Variants in KIAA0825 observed in about 807,000 individuals in gnomAD.
KIAA0825 encodes uncharacterized protein KIAA0825.
KIAA0825 carries 119 observed loss-of-function variants against 147.6 expected under a neutral mutation model. The ratio of observed to expected loss-of-function variants is 0.81; its 90% confidence interval spans 0.69 to 0.94. The LOEUF (loss-of-function observed/expected upper bound fraction) is 0.94, where lower values mean the gene tolerates loss of function less well. KIAA0825 is among the 40% of genes least tolerant of loss of function. KIAA0825 has a pLI of 0.00. For synonymous variants in KIAA0825, 470 were observed against 518.1 expected (o/e 0.91, Z 1.26); for missense variants, 1,381 against 1,472.7 (o/e 0.94, Z 1.02).
chr5:94,311,673 G>T (rs763614233), intron 20 of KIAA0825, among the ~76,000 whole-genome samples: 45 of 151,396 alleles, frequency 3.0e-4, no homozygotes, highest in Non-Finnish European at 6.1e-4. Flanking sequence ...ATTTCTATTT[G>T]TCTCTAATCT....
Position 94,471,651 on chromosome 5 carries a change from A to C in KIAA0825, c.1536T>G (p.Ile512Met). ...AACAGGCCTCCACCAAGTTTGCTCTAATTTCCTGAAAAGAATCATCTCTGC... is the reference window on the plus strand; with the variant it reads ...AACAGGCCTCCACCAAGTTTGCTCTCATTTCCTGAAAAGAATCATCTCTGC... Reference protein sequence around the residue: ...LACRDDSFQEIRANLVEACCK... With the variant: ...LACRDDSFQEMRANLVEACCK... Residue 512 changes from isoleucine (I) to methionine (M), a missense_variant, in exon 9 of 21, where the codon ATT becomes ATG. Ile to Met is a conservative substitution (Grantham distance 10, BLOSUM62 1). Transcript: ENST00000682413. 1 of 1,552,146 alleles carries C rather than the reference A, an allele frequency of 6.4e-7. No homozygotes were observed. Among genetic ancestry groups the C allele is most frequent in the South Asian group, 1.2e-5 (1 of 84,066 alleles).
intron 20 of KIAA0825, among the ~76,000 whole-genome samples, chr5:94,194,088 AGACAAAGGT>A (rs904494131): frequency 8.5e-5 from 13 of 152,148 alleles, no homozygotes; most frequent in African/African-American, 2.4e-4. Context: ...TTCCCTCCCT[AGACAAAGGT>A]TCTCCTTCCA....
rs1776986591 is a variant in KIAA0825 at position 94,271,531 on chromosome 5, T to G, written c.3710+112837A>C. On this transcript the variant is annotated intron_variant, in intron 20 of 20. Coordinates refer to ENST00000682413, the MANE Select transcript of KIAA0825 (RefSeq NM_001145678.3). ...GAGAGGCCAAGGTGGGTGGATCACCTGAGGTCAAGAGTTCGAGACCTGCCT... is the reference window on the plus strand; with the variant it reads ...GAGAGGCCAAGGTGGGTGGATCACCGGAGGTCAAGAGTTCGAGACCTGCCT... Among the ~76,000 whole-genome samples the G allele has an allele frequency of 2.6e-5, 4 of 152,300 alleles. No homozygotes were observed. The South Asian group carries it at 8.3e-4, about 32-fold the overall frequency.
intron 20 of KIAA0825, among the ~76,000 whole-genome samples, chr5:94,326,470 G>T (rs969043034): frequency 4.6e-5 from 7 of 152,088 alleles, no homozygotes; most frequent in African/African-American, 1.7e-4. Context: ...AAACTATATC[G>T]TTTCTGTGGT....
intron 20 of KIAA0825, among the ~76,000 whole-genome samples, chr5:94,208,150 G>A (rs1772376545): frequency 6.6e-6 from 1 of 151,998 alleles, no homozygotes. Context: ...TTCTTTCAGG[G>A]AAAATATCAT....
At position 94,305,824 on chromosome 5, in the gene KIAA0825, A is replaced by C. The variant is rs192444164; in HGVS notation, c.3710+78544T>G. Among the ~76,000 whole-genome samples the C allele has an allele frequency of 2.0e-5, 3 of 152,080 alleles. No individual in the cohort carries two copies. In the East Asian group the frequency reaches 5.8e-4, roughly 30 times the overall value. On this transcript the variant is annotated intron_variant, in intron 20 of 20. Coordinates refer to ENST00000682413, the MANE Select transcript of KIAA0825 (RefSeq NM_001145678.3). The stretch of plus-strand genomic sequence containing the variant: ...TAAAAGGTGATTATGCAAGTTCCAA[A>C]TAGAAGGATCTGAAGATATCAGGAG...
At chr5:94,268,838 C>A (rs1473067340) in intron 20 of KIAA0825, among the ~76,000 whole-genome samples, 1 of 152,096 alleles carries the variant, frequency 6.6e-6, no homozygotes, top group Non-Finnish European at 1.5e-5. Context: ...TTCAACCTGG[C>A]ATTCTGGTTG....
At chr5:94,211,927 C>T (rs973493638) in intron 20 of KIAA0825, among the ~76,000 whole-genome samples, 1 of 152,074 alleles carries the variant, frequency 6.6e-6, no homozygotes, top group African/African-American at 2.4e-5. Flanking sequence ...AAATTATGTG[C>T]CCATACCTGA....
chr5:94,605,981 G>A (rs1027337162), intron 1 of KIAA0825, among the ~76,000 whole-genome samples: 10 of 152,190 alleles, frequency 6.6e-5, no homozygotes, highest in Non-Finnish European at 1.2e-4. Flanking sequence ...CTATCTGTTT[G>A]CGGATGACAT....
At chr5:94,238,157 A>G (rs1308078241) in intron 20 of KIAA0825, among the ~76,000 whole-genome samples, 1 of 152,184 alleles carries the variant, frequency 6.6e-6, no homozygotes, top group Non-Finnish European at 1.5e-5. Context: ...TGCATCAAAA[A>G]ATTATATGGA....
intron 16 of KIAA0825, among the ~76,000 whole-genome samples, chr5:94,396,990 TATCTC>T (rs1171754460): frequency 1.3e-5 from 2 of 151,826 alleles, no homozygotes; most frequent in Non-Finnish European, 2.9e-5. Context: ...CTCACCATCT[TATCTC>T]ATCTCATCAT....
At chr5:94,194,428 A>C (rs1358150797) in intron 20 of KIAA0825, among the ~76,000 whole-genome samples, 1 of 152,098 alleles carries the variant, frequency 6.6e-6, no homozygotes, top group African/African-American at 2.4e-5. Context: ...CCATGAGGCC[A>C]GTGACCCCCA....
chr5:94,314,052 C>A (rs1779418124), intron 20 of KIAA0825, among the ~76,000 whole-genome samples: 1 of 151,558 alleles, frequency 6.6e-6, no homozygotes, highest in Non-Finnish European at 1.5e-5. Flanking sequence ...TACTTGCCTG[C>A]ACCTGTTATA....
chr5:94,184,716 T>A (rs888059617), intron 20 of KIAA0825, among the ~76,000 whole-genome samples: 4 of 152,316 alleles, frequency 2.6e-5, no homozygotes, highest in Middle Eastern at 6.8e-3. Context: ...TATACACATA[T>A]ACACACACAT....
chr5:94,600,379 A>G (rs115644808), intron 1 of KIAA0825, among the ~76,000 whole-genome samples: 2,940 of 151,576 alleles, frequency 0.019, 76 homozygotes, highest in African/African-American at 0.058. Context: ...TATTCCTTAT[A>G]TTTCCTTATA....
At chr5:94,369,896 G>A (rs1297690259) in intron 20 of KIAA0825, among the ~76,000 whole-genome samples, 1 of 151,990 alleles carries the variant, frequency 6.6e-6, no homozygotes, top group Non-Finnish European at 1.5e-5. Context: ...CATAAAACAC[G>A]AGAAGCCATA....
At chr5:94,531,984 G>A (rs974125269) in intron 3 of KIAA0825, among the ~76,000 whole-genome samples, 6 of 151,844 alleles carry the variant, frequency 4.0e-5, no homozygotes, top group African/African-American at 1.2e-4. Flanking sequence ...GCCATCATAC[G>A]GAAAACTTGA....
intron 14 of KIAA0825, among the ~76,000 whole-genome samples, chr5:94,418,662 G>C (rs532661507): frequency 6.6e-6 from 1 of 152,030 alleles, no homozygotes; most frequent in Admixed American, 6.6e-5. Context: ...ACAAAGCAGT[G>C]TTCTCTTTCT....
At chr5:94,533,839 C>T (rs1057116894) in intron 3 of KIAA0825, among the ~76,000 whole-genome samples, 17 of 152,114 alleles carry the variant, frequency 1.1e-4, no homozygotes, top group South Asian at 2.1e-4. Flanking sequence ...TGAATGGAAA[C>T]GAGAATGTAA....
Sources: allele counts gnomAD v4.1 joint callset (sites outside exome capture counted in the v4.1 genomes callset), GRCh38; gene constraint gnomAD v4.1.1; transcripts MANE v1.5; gene names NCBI Gene and HGNC (gene_info 2026-07-23, HGNC 2026-07-21).